Variants in ANO2 observed in about 807,000 individuals in gnomAD.
ANO2 encodes anoctamin 2, also known as anoctamin-2.
In ANO2, 101 loss-of-function variants were observed where a neutral mutation model predicts 124.2. The observed-to-expected ratio is 0.81, with a 90% CI of 0.69 to 0.96. The LOEUF is 0.96. Among genes scored for constraint, ANO2 ranks in the 40% least tolerant of loss-of-function variants. The probability of loss-of-function intolerance (pLI) is 0.00; values close to 1 mark genes in which losing one functional copy is unlikely to be tolerated. For missense variants in ANO2, 1,293 were observed against 1,274.5 expected, an observed-to-expected ratio of 1.01 and a Z score of -0.22; for synonymous variants, 486 against 482.5, an observed-to-expected ratio of 1.01 and a Z score of -0.09.
chr12:5,804,887 G>A (rs1953144031), intron 9 of ANO2, among the ~76,000 whole-genome samples: 1 of 152,028 alleles, frequency 6.6e-6, no homozygotes, highest in African/African-American at 2.4e-5. Flanking sequence ...TTCTTACACA[G>A]GCAATGGATG....
chr12:5,764,772 G>A (rs776433743), intron 10 of ANO2, among the ~76,000 whole-genome samples: 25 of 149,652 alleles, frequency 1.7e-4, no homozygotes, highest in Non-Finnish European at 3.7e-4. Context: ...TGAGGCATTC[G>A]ATCGTTCAGA....
At chr12:5,805,017 G>T (rs2041615) in intron 9 of ANO2, among the ~76,000 whole-genome samples, 1 of 151,710 alleles carries the variant, frequency 6.6e-6, no homozygotes, top group Non-Finnish European at 1.5e-5. Flanking sequence ...AATCTGATGC[G>T]GGACTTTTCA....
chr12:5,665,016 CT>C (rs892088062), intron 14 of ANO2, among the ~76,000 whole-genome samples: 10 of 150,482 alleles, frequency 6.6e-5, no homozygotes, highest in African/African-American at 1.5e-4. Context: ...TAAGCAAGGT[CT>C]TTTTTTTTTC....
At chr12:5,877,993 G>A (rs555929730) in intron 3 of ANO2, among the ~76,000 whole-genome samples, 27 of 152,202 alleles carry the variant, frequency 1.8e-4, no homozygotes, top group Non-Finnish European at 3.4e-4. Context: ...CGGCCGGGGG[G>A]TTGGAGACCC....
At chr12:5,720,383 G>C (rs575529929) in intron 14 of ANO2, among the ~76,000 whole-genome samples, 43 of 152,302 alleles carry the variant, frequency 2.8e-4, no homozygotes, top group African/African-American at 1.0e-3. Context: ...GGGAGAAAGA[G>C]CAAGGGAACC....
At chr12:5,798,424 C>T (rs775446770) in intron 10 of ANO2, among the ~76,000 whole-genome samples, 16 of 152,128 alleles carry the variant, frequency 1.1e-4, no homozygotes, top group Non-Finnish European at 2.4e-4. Flanking sequence ...GGCCTCCACG[C>T]GGCTTTCTCT....
At chr12:5,894,921 G>A (rs985334776) in intron 3 of ANO2, among the ~76,000 whole-genome samples, 1 of 152,196 alleles carries the variant, frequency 6.6e-6, no homozygotes, top group Non-Finnish European at 1.5e-5. Flanking sequence ...AAGTCAGGTA[G>A]TGTGATGCCT....
intron 3 of ANO2, among the ~76,000 whole-genome samples, chr12:5,871,828 T>TG (rs1937721350): frequency 6.6e-6 from 1 of 152,016 alleles, no homozygotes; most frequent in Non-Finnish European, 1.5e-5. Flanking sequence ...AACCTACTGG[T>TG]GGGGAGTGCA....
At chr12:5,605,794 A>G (rs1295948932) in intron 19 of ANO2, among the ~76,000 whole-genome samples, 1 of 152,162 alleles carries the variant, frequency 6.6e-6, no homozygotes, top group Non-Finnish European at 1.5e-5. Flanking sequence ...ATGGATTCAG[A>G]TAATAAATAC....
chr12:5,615,185 C>T lies in ANO2; in HGVS notation c.1928+1G>A. ...TCTACACATGACACCATTATACTCACCTCCCTTTGAAAAAGGCCACATAGA... is the reference window on the plus strand; with the variant it reads ...TCTACACATGACACCATTATACTCATCTCCCTTTGAAAAAGGCCACATAGA... On this transcript the variant is annotated splice_donor_variant, in intron 17 of 24. Transcript: ENST00000682330. LOFTEE classifies it high-confidence loss of function. The T allele has an allele frequency of 6.2e-7, 1 of 1,612,144 alleles. No individual in the cohort carries two copies. The highest frequency in any genetic ancestry group is 1.1e-5 in the South Asian group (1 of 90,510).
chr12:5,822,704 A>G (rs1953842934), intron 7 of ANO2, among the ~76,000 whole-genome samples: 1 of 152,210 alleles, frequency 6.6e-6, no homozygotes, highest in Non-Finnish European at 1.5e-5. Context: ...TCCTCACTAG[A>G]ACAGACACTT....
chr12:5,787,066 G>C lies in ANO2; in HGVS notation c.1055+12441C>G, dbSNP rs187919333. ...ACCATAGGTTAGTTATGATGTCAGGGGGATGAGGAGAGGAAGACAAAAGAG... is the reference window on the plus strand; with the variant it reads ...ACCATAGGTTAGTTATGATGTCAGGCGGATGAGGAGAGGAAGACAAAAGAG... On this transcript the variant is annotated intron_variant, in intron 10 of 24. Coordinates refer to ENST00000682330, the MANE Select transcript of ANO2 (RefSeq NM_001364791.2). This position sits in a 1 kb window ranked among gnomAD's most constrained non-coding sequence, Gnocchi z 4.2. Among the ~76,000 whole-genome samples the C allele has an allele frequency of 7.0e-4, 107 of 152,270 alleles. No individual in the cohort carries two copies. The highest frequency in any genetic ancestry group is 2.6e-3 in the African/African-American group (106 of 41,542).
At position 5,758,699 on chromosome 12, in the gene ANO2, A is replaced by G. The variant is rs541124662; in HGVS notation, c.1056-7729T>C. Among the ~76,000 whole-genome samples the G allele has an allele frequency of 3.3e-5, 5 of 152,218 alleles. No homozygotes were observed. The South Asian group carries it at 1.0e-3, about 32-fold the overall frequency. On this transcript the variant is annotated intron_variant, in intron 10 of 24. Transcript: ENST00000682330. ...GTGCACTGAAGGTGACTCTTGCAAC[A>G]ACAAAACCTCACTCAACTAGATTGA...
At chr12:5,807,277 GAC>G (rs750584926) in intron 8 of ANO2, 34 bp downstream of exon 8, 182 of 1,526,620 alleles carry the variant, frequency 1.2e-4, no homozygotes, top group Non-Finnish European at 1.6e-4. Context: ...AAGTTTTGAA[GAC>G]TACAGAGAGC....
At chr12:5,580,810 T>C (rs1942706886) in intron 20 of ANO2, among the ~76,000 whole-genome samples, 1 of 152,218 alleles carries the variant, frequency 6.6e-6, no homozygotes, top group African/African-American at 2.4e-5. Flanking sequence ...GATTCAACCC[T>C]GTCCACTGCC....
At chr12:5,933,018 C>A (rs1035980239) in intron 1 of ANO2, among the ~76,000 whole-genome samples, 1 of 152,222 alleles carries the variant, frequency 6.6e-6, no homozygotes, top group Non-Finnish European at 1.5e-5. Flanking sequence ...TTATGGCCCT[C>A]CTGAGAGCAA....
chr12:5,666,505 C>A (rs571709093), intron 14 of ANO2, among the ~76,000 whole-genome samples: 24 of 152,164 alleles, frequency 1.6e-4, no homozygotes, highest in Non-Finnish European at 2.4e-4. Flanking sequence ...AAATGCACAG[C>A]GACCTGAGCT....
At chr12:5,929,136 C>T (rs1942229827) in intron 1 of ANO2, among the ~76,000 whole-genome samples, 1 of 108,516 alleles carries the variant, frequency 9.2e-6, no homozygotes, top group Non-Finnish European at 1.8e-5. Context: ...ACTCGTCTAC[C>T]TTCTTTCCTT....
chr12:5,575,785 A>G (rs764301767), intron 23 of ANO2, 49 bp downstream of exon 23: 5 of 1,579,392 alleles, frequency 3.2e-6, no homozygotes, highest in South Asian at 2.3e-5. Context: ...AATTATTTGG[A>G]TCTATTGCTT....
Sources: allele counts gnomAD v4.1 joint callset (sites outside exome capture counted in the v4.1 genomes callset), GRCh38; gene constraint gnomAD v4.1.1; non-coding constraint Gnocchi (gnomAD v3.1); transcripts MANE v1.5; gene names NCBI Gene and HGNC (gene_info 2026-07-23, HGNC 2026-07-21).